Variants in PPFIBP1 observed in about 807,000 individuals in gnomAD.
The protein encoded by PPFIBP1 is PPFIB scaffold protein 1.
A neutral mutation model predicts 137.8 loss-of-function variants in PPFIBP1; 112 were observed. The observed-to-expected ratio is 0.81, with a 90% CI of 0.70 to 0.95. The LOEUF (loss-of-function observed/expected upper bound fraction) is 0.95, where lower values mean the gene tolerates loss of function less well. Ranked by LOEUF, PPFIBP1 falls within the 40% of genes least tolerant of loss-of-function variation. The pLI is 0.00. For missense variants in PPFIBP1, 1,083 were observed against 1,196.6 expected, an observed-to-expected ratio of 0.91 and a Z score of 1.40; for synonymous variants, 378 against 417.3, an observed-to-expected ratio of 0.91 and a Z score of 1.15.
intron 2 of PPFIBP1, among the ~76,000 whole-genome samples, chr12:27,614,577 G>A (rs1428111715): frequency 6.6e-6 from 1 of 152,138 alleles, no homozygotes; most frequent in Non-Finnish European, 1.5e-5. Flanking sequence ...TTTACTGCCA[G>A]ACTCCTAAGC....
intron 6 of PPFIBP1, 31 bp downstream of exon 6, chr12:27,647,873 T>C: frequency 3.1e-6 from 5 of 1,596,780 alleles, no homozygotes; most frequent in Non-Finnish European, 4.3e-6. Context: ...CAAGATGGGA[T>C]TTCCCTGCTG....
At chr12:27,688,918 A>G in intron 26 of PPFIBP1, 97 bp from the exon 27 acceptor site, 1 of 1,203,908 alleles carries the variant, frequency 8.3e-7, no homozygotes. Flanking sequence ...ATCATTGGAG[A>G]TAACCTAAGA....
At chr12:27,632,882 T>C (rs1015850113) in intron 2 of PPFIBP1, among the ~76,000 whole-genome samples, 9 of 152,232 alleles carry the variant, frequency 5.9e-5, no homozygotes, top group Non-Finnish European at 1.0e-4. Flanking sequence ...TGTGTGCACA[T>C]ACATTTAGTA....
chr12:27,587,747 C>T (rs921023914), intron 2 of PPFIBP1, among the ~76,000 whole-genome samples: 5 of 150,920 alleles, frequency 3.3e-5, no homozygotes, highest in African/African-American at 1.2e-4. Context: ...TTTGTTTTCT[C>T]TCTGTCTTTT....
intron 1 of PPFIBP1, 47 bp downstream of exon 1, chr12:27,524,412 T>C (rs1162235992): frequency 6.6e-6 from 1 of 152,098 alleles, no homozygotes; most frequent in East Asian, 1.9e-4. Flanking sequence ...AGTGGCACCG[T>C]TGTGTGGCTG....
intron 5 of PPFIBP1, chr12:27,646,407 T>TA: frequency 7.0e-6 from 3 of 427,018 alleles, no homozygotes; most frequent in Admixed American, 3.2e-5. Flanking sequence ...TCTGATCTGT[T>TA]CTTTTTTTTT....
At chr12:27,549,890 C>T (rs537547232) in intron 1 of PPFIBP1, among the ~76,000 whole-genome samples, 23 of 152,148 alleles carry the variant, frequency 1.5e-4, no homozygotes, top group Non-Finnish European at 3.2e-4. Context: ...GAAGGCGAGA[C>T]CTTGAAGCGT....
intron 2 of PPFIBP1, among the ~76,000 whole-genome samples, chr12:27,629,042 A>G (rs907237841): frequency 4.6e-5 from 7 of 152,190 alleles, no homozygotes; most frequent in African/African-American, 1.4e-4. Context: ...ACCACATCCA[A>G]TGGCAGAGGG....
chr12:27,585,257 GT>G (rs2051593560), intron 2 of PPFIBP1, among the ~76,000 whole-genome samples: 1 of 152,170 alleles, frequency 6.6e-6, no homozygotes, highest in Non-Finnish European at 1.5e-5. Flanking sequence ...AAGTCACTTT[GT>G]ACTATAAGTC....
rs1178887981 is a variant in PPFIBP1, at chr12:27,689,066, C to T, written c.2548C>T (p.Pro850Ser). The T allele has an allele frequency of 2.5e-6, 4 of 1,613,814 alleles. No homozygotes were observed. Among genetic ancestry groups the T allele is most frequent in the Admixed American group, 1.7e-5 (1 of 59,978 alleles). The change falls in exon 27 of 30, where the codon CCA (proline) becomes TCA (serine). Residue 850 changes from proline (P) to serine (S), a missense_variant. Transcript: ENST00000228425. ...VETMAQLLNI[P>S]PNKTLLRRHL... is the part of the protein sequence containing the mutation. ...AACAATGGCTCAGTTATTGAACATC[C>T]CACCCAATAAGACTTTGCTGCGAAG...
intron 13 of PPFIBP1, 39 bp from the exon 14 acceptor site, chr12:27,671,392 T>C (rs1306862903): frequency 8.3e-7 from 1 of 1,211,786 alleles, no homozygotes; most frequent in Non-Finnish European, 1.2e-6. Context: ...TTGTGTTTTG[T>C]TTTGATTGAT....
At chr12:27,577,200 G>A (rs2050643097) in intron 1 of PPFIBP1, among the ~76,000 whole-genome samples, 1 of 150,320 alleles carries the variant, frequency 6.7e-6, no homozygotes, top group African/African-American at 2.4e-5. Flanking sequence ...TTAAGCACCT[G>A]CCTTTTCTGA....
rs144060027 is a variant in PPFIBP1, at chr12:27,529,276, A to G, written c.-124+4911A>G. 5.0e-3 allele frequency among the ~76,000 whole-genome samples: 769 copies of G among 152,370 alleles called. 1 individual carries two copies. Among genetic ancestry groups the G allele is most frequent in the Non-Finnish European group, 8.3e-3 (564 of 68,038 alleles). ...AATTTAGGGAAATTATTCATTTGAC[A>G]TGAAAAGACAAGTTCAGAAGAGTAG... On this transcript the variant is annotated intron_variant, in intron 1 of 29. Transcript: ENST00000228425.
chr12:27,619,912 A>G (rs1359223895), intron 2 of PPFIBP1, among the ~76,000 whole-genome samples: 1 of 151,838 alleles, frequency 6.6e-6, no homozygotes. Flanking sequence ...ATGCGTTTAT[A>G]TATATACATA....
chr12:27,552,261 G>A (rs7307592), intron 1 of PPFIBP1, among the ~76,000 whole-genome samples: 104,184 of 152,092 alleles, frequency 0.69, 35,735 homozygotes, highest in African/African-American at 0.72. Flanking sequence ...TGTATTGCGG[G>A]CATTTCTCCT....
At chr12:27,651,779 A>G (rs16932269) in intron 7 of PPFIBP1, among the ~76,000 whole-genome samples, 14,436 of 152,234 alleles carry the variant, frequency 0.095, 970 homozygotes, top group African/African-American at 0.18. Flanking sequence ...TGTTAACCAA[A>G]TGTTGGGGCT....
intron 2 of PPFIBP1, among the ~76,000 whole-genome samples, chr12:27,597,958 A>G (rs1592737276): frequency 1.3e-5 from 2 of 152,206 alleles, no homozygotes; most frequent in South Asian, 2.1e-4. Flanking sequence ...GGCATGTGCC[A>G]CCACACCCGG....
chr12:27,588,120 AT>A (rs1306769131), intron 2 of PPFIBP1, among the ~76,000 whole-genome samples: 1 of 152,240 alleles, frequency 6.6e-6, no homozygotes, highest in Non-Finnish European at 1.5e-5. Flanking sequence ...CAAATTAAAC[AT>A]TGCTAGCAAG....
At chr12:27,595,852 T>TCAACAACAACAA (rs1235600375) in intron 2 of PPFIBP1, among the ~76,000 whole-genome samples, 6 of 126,598 alleles carry the variant, frequency 4.7e-5, no homozygotes, top group Non-Finnish European at 6.3e-5. Context: ...GACACTCTGA[T>TCAACAACAACAA]CAACAACAAC....
Sources: gnomAD v4.1 joint callset for allele counts (sites outside exome capture counted in the v4.1 genomes callset) on GRCh38, gnomAD v4.1.1 for gene constraint, MANE v1.5 for transcripts, NCBI Gene and HGNC (gene_info 2026-07-23, HGNC 2026-07-21) for gene names.